ST3GAL4: variants seen among roughly 807,000 people sequenced by gnomAD.
The protein encoded by ST3GAL4 is ST3 beta-galactoside alpha-2,3-sialyltransferase 4, also known as CMP-N-acetylneuraminate-beta-galactosamide-alpha-2,3-sialyltransferase 4.
A neutral mutation model predicts 42.6 loss-of-function variants in ST3GAL4; 24 were observed. The ratio of observed to expected loss-of-function variants is 0.56; its 90% CI spans 0.41 to 0.79. ST3GAL4 has a LOEUF of 0.79. Among genes scored for constraint, ST3GAL4 ranks in the 30% least tolerant of loss-of-function variants. ST3GAL4 has a pLI of 0.00. For synonymous variants in ST3GAL4, 135 were observed against 163.2 expected (o/e 0.83, Z 1.32); for missense variants, 311 against 430.8 (o/e 0.72, Z 2.46).
At chr11:126,395,393 T>C (rs1481737212) in intron 1 of ST3GAL4, among the ~76,000 whole-genome samples, 13 of 152,054 alleles carry the variant, frequency 8.5e-5, no homozygotes, top group Admixed American at 8.5e-4. Flanking sequence ...CGGAGAGAGA[T>C]AGCCAGGCCC....
chr11:126,367,408 A>G (rs1339649854), intron 1 of ST3GAL4, among the ~76,000 whole-genome samples: 1 of 152,038 alleles, frequency 6.6e-6, no homozygotes, highest in African/African-American at 2.4e-5. Context: ...AGAGGTGAGT[A>G]TGATTGTGGT....
chr11:126,394,730 T>G (rs1953665376), intron 1 of ST3GAL4, among the ~76,000 whole-genome samples: 3 of 151,734 alleles, frequency 2.0e-5, no homozygotes, highest in African/African-American at 7.3e-5. Flanking sequence ...CTGCCCTGGG[T>G]ATGATTTTCA....
In ST3GAL4 at chr11:126,400,432, G is replaced by A. The variant is rs530279193; in HGVS notation, c.-60-5664G>A. On this transcript the variant is annotated intron_variant, in intron 1 of 10. Transcript: ENST00000444328. This position sits in a 1 kb window ranked among gnomAD's most constrained non-coding sequence, Gnocchi z 4.6. ...GATCAAGTTGCAGCACTTGGACTTC[G>A]GGCAACACATTCAAACCATAGCAGG... Among the ~76,000 whole-genome samples the A allele has an allele frequency of 6.6e-6, 1 of 152,202 alleles. No homozygotes were observed. The highest frequency in any genetic ancestry group is 6.5e-5 in the Admixed American group (1 of 15,282).
chr11:126,384,815 G>A lies in ST3GAL4; in HGVS notation c.-60-21281G>A. On this transcript the variant is annotated intron_variant, in intron 1 of 10. Transcript: ENST00000444328. This position sits in a 1 kb window ranked among gnomAD's most constrained non-coding sequence, Gnocchi z 5.5. ...TGCCTCTGCCTGTCTCCCTGGCCGT[G>A]GCAGGTCCTTTGTCACATATGGGCC... is the stretch of plus-strand genomic sequence containing the variant. 2.0e-6 allele frequency: 2 copies of A among 985,404 alleles called. No individual in the cohort carries two copies. Among genetic ancestry groups the A allele is most frequent in the Non-Finnish European group, 2.4e-6 (2 of 829,932 alleles). The allele number at this position is 985,404 out of a possible 1,614,324, so 61.0% of individuals were successfully genotyped here. A position where few individuals can be genotyped will look rare whatever the true frequency, so the allele number is the denominator to read the frequency against.
At chr11:126,371,310 G>A (rs1213891855) in intron 1 of ST3GAL4, among the ~76,000 whole-genome samples, 9 of 151,498 alleles carry the variant, frequency 5.9e-5, no homozygotes, top group African/African-American at 1.9e-4. Context: ...GATTACAGAC[G>A]CACGCCATCA....
At chr11:126,394,827 G>A (rs1445429612) in intron 1 of ST3GAL4, among the ~76,000 whole-genome samples, 2 of 151,046 alleles carry the variant, frequency 1.3e-5, no homozygotes, top group Non-Finnish European at 3.0e-5. Flanking sequence ...CTGCAGGGGC[G>A]GATGGTGGGG....
At chr11:126,408,990 T>G (rs1954395175) in intron 8 of ST3GAL4, among the ~76,000 whole-genome samples, 2 of 152,222 alleles carry the variant, frequency 1.3e-5, no homozygotes, top group African/African-American at 4.8e-5. Context: ...CTTCTACCTG[T>G]GTGGATGTTC....
rs1295724469 is a variant in ST3GAL4 at position 126,406,124 on chromosome 11, C to T, written c.-32C>T. 1.3e-6 allele frequency: 2 copies of T among 1,552,308 alleles called. No homozygotes were observed. Among genetic ancestry groups the T allele is most frequent in the East Asian group, 2.4e-5 (1 of 40,948 alleles). On this transcript the variant is annotated 5_prime_UTR_variant, in exon 2 of 11. Transcript: ENST00000444328. This position sits in a 1 kb window ranked among gnomAD's most constrained non-coding sequence, Gnocchi z 5.4. ...GCCCGAGGCAGCCGGGATGACAGCT[C>T]TCCCCAGGAATCCTGCTGCCTGCTG... is the stretch of plus-strand genomic sequence containing the variant.
rs1953576320 is a variant in ST3GAL4 at position 126,392,996 on chromosome 11, A to AG, written c.-60-13095dup. The stretch of plus-strand genomic sequence containing the variant: ...TTTTTTTTGAGACAGGCTAGAGTGC[A>AG]GGGGGACGATCATAGCTTACTGCAG... On this transcript the variant is annotated intron_variant, in intron 1 of 10. Coordinates refer to ENST00000444328, the MANE Select transcript of ST3GAL4 (RefSeq NM_001254757.2). The surrounding 1 kb of genome is among the most constrained non-coding windows in gnomAD (Gnocchi z 5.8). Among the ~76,000 whole-genome samples, 1 of 144,988 alleles carries AG rather than the reference A, an allele frequency of 6.9e-6. No individual in the cohort carries two copies. Among genetic ancestry groups the AG allele is most frequent in the Non-Finnish European group, 1.5e-5 (1 of 66,988 alleles).
At chr11:126,401,998 GGT>G (rs1255144366) in intron 1 of ST3GAL4, among the ~76,000 whole-genome samples, 1 of 150,946 alleles carries the variant, frequency 6.6e-6, no homozygotes, top group East Asian at 2.0e-4. Flanking sequence ...GAGAAGGAGA[GGT>G]GGGAGACACA....
intron 1 of ST3GAL4, among the ~76,000 whole-genome samples, chr11:126,361,282 C>G (rs945335033): frequency 2.0e-5 from 3 of 152,152 alleles, no homozygotes; most frequent in African/African-American, 7.2e-5. Flanking sequence ...TCCTCCTGAA[C>G]AGCTCCACTT....
intron 1 of ST3GAL4, among the ~76,000 whole-genome samples, chr11:126,367,383 C>T (rs910132500): frequency 5.3e-5 from 8 of 152,162 alleles, no homozygotes; most frequent in Non-Finnish European, 1.2e-4. Context: ...GGTCCTTTGT[C>T]ACGTATGGAC....
intron 1 of ST3GAL4, among the ~76,000 whole-genome samples, chr11:126,401,723 C>G (rs1377875535): frequency 6.6e-6 from 1 of 152,128 alleles, no homozygotes; most frequent in Non-Finnish European, 1.5e-5. Context: ...GCAGTGAAGA[C>G]TGACAATAGA....
chr11:126,369,972 A>C (rs920936237), intron 1 of ST3GAL4, among the ~76,000 whole-genome samples: 1 of 152,240 alleles, frequency 6.6e-6, no homozygotes, highest in Admixed American at 6.5e-5. Context: ...TGACATCAGC[A>C]TGCATCGATT....
At chr11:126,370,089 A>C (rs562667006) in intron 1 of ST3GAL4, among the ~76,000 whole-genome samples, 2 of 152,370 alleles carry the variant, frequency 1.3e-5, no homozygotes, top group East Asian at 1.9e-4. Flanking sequence ...CTGTTAGAAA[A>C]AGTGCTGCAG....
intron 1 of ST3GAL4, among the ~76,000 whole-genome samples, chr11:126,390,747 A>G (rs947145828): frequency 6.6e-6 from 1 of 151,350 alleles, no homozygotes; most frequent in Non-Finnish European, 1.5e-5. Flanking sequence ...AAGCACTTTC[A>G]GAATGTGCTA....
chr11:126,408,420 A>G lies in ST3GAL4; in HGVS notation c.551A>G (p.Asp184Gly), dbSNP rs1219126460. ...GACCCCAAAGTAGAAAACAACCCAG[A>G]CACACTCCTCGTCCTGGTAGCTTTC... ...HFDPKVENNP[D>G]TLLVLVAFKA... The change falls in exon 8 of 11, where the codon GAC (aspartate) becomes GGC (glycine). Residue 184 changes from aspartate to glycine, a missense_variant. Transcript: ENST00000444328. The G allele has an allele frequency of 9.9e-6, 16 of 1,614,066 alleles. No homozygotes were observed. The highest frequency in any genetic ancestry group is 1.4e-5 in the Non-Finnish European group (16 of 1,180,042).
chr11:126,414,211 G>T lies in ST3GAL4; in HGVS notation c.*164G>T. 1.5e-6 allele frequency: 1 copy of T among 682,616 alleles called. No individual in the cohort carries two copies. Among genetic ancestry groups the T allele is most frequent in the South Asian group, 1.8e-5 (1 of 56,624 alleles). The allele number at this position is 682,616 out of a possible 1,614,324, so 42.3% of individuals were successfully genotyped here. ...GGTCTGAGATGAGGCCATGCCCCTG[G>T]CTGCTCTTATGGAGCCGAGATCCAG... On this transcript the variant is annotated 3_prime_UTR_variant, in exon 11 of 11. Transcript: ENST00000444328.
At chr11:126,375,922 G>A (rs1259571074) in intron 1 of ST3GAL4, among the ~76,000 whole-genome samples, 2 of 139,218 alleles carry the variant, frequency 1.4e-5, no homozygotes, top group Admixed American at 7.8e-5. Flanking sequence ...TCCTGGTTTC[G>A]CACAAAGTGA....
Sources: gnomAD v4.1 joint callset for allele counts (sites outside exome capture counted in the v4.1 genomes callset) on GRCh38, gnomAD v4.1.1 for gene constraint, Gnocchi (gnomAD v3.1) non-coding constraint, MANE v1.5 for transcripts, NCBI Gene and HGNC (gene_info 2026-07-23, HGNC 2026-07-21) for gene names.